Variants in WNT10A observed in about 807,000 individuals in gnomAD.
WNT10A encodes protein Wnt-10a.
A neutral mutation model predicts 36.1 loss-of-function variants in WNT10A; 37 were observed. The ratio of observed to expected loss-of-function variants is 1.02; its 90% CI spans 0.79 to 1.35. WNT10A has a LOEUF of 1.35. Ranked by LOEUF, WNT10A falls within the 40% of genes most tolerant of loss-of-function variation. WNT10A has a pLI of 0.00. For missense variants in WNT10A, 613 were observed against 601.4 expected, an observed-to-expected ratio of 1.02 and a Z score of -0.20; for synonymous variants, 255 against 254.1, an observed-to-expected ratio of 1.00 and a Z score of -0.03.
In WNT10A at chr2:218,882,339, C is replaced by T; in HGVS notation, c.292C>T (p.His98Tyr). The T allele has an allele frequency of 6.2e-7, 1 of 1,614,200 alleles. No homozygotes were observed. The highest frequency in any genetic ancestry group is 8.5e-7 in the Non-Finnish European group (1 of 1,180,024). The change falls in exon 2 of 4, where the codon CAC becomes TAC. Residue 98 changes from histidine (H) to tyrosine (Y), a missense_variant. By Grantham distance (83) the His-to-Tyr change is moderately conservative. Coordinates refer to ENST00000258411, the MANE Select transcript of WNT10A (RefSeq NM_025216.3). Reference protein sequence around the residue: ...GIQIAIHECQHQFRDQRWNCS... With the variant: ...GIQIAIHECQYQFRDQRWNCS... Reference sequence around the variant, plus strand: ...CCAGATCGCCATCCACGAATGCCAACACCAATTCAGGGACCAGCGCTGGAA... The same window carrying T: ...CCAGATCGCCATCCACGAATGCCAATACCAATTCAGGGACCAGCGCTGGAA...
Position 218,890,133 on chromosome 2 carries a change from C to G in WNT10A, c.526C>G (p.Arg176Gly), listed in dbSNP as rs754010310. The part of the protein sequence containing the change: ...DEEAFRRKLH[R>G]LQLDALQRGK... ...GGAGGCCTTCCGTAGGAAGCTGCACCGCTTACAACTGGATGCACTGCAGCG... is the reference window on the plus strand; with the variant it reads ...GGAGGCCTTCCGTAGGAAGCTGCACGGCTTACAACTGGATGCACTGCAGCG... Residue 176 changes from arginine (R) to glycine (G), a missense_variant, in exon 3 of 4, where the codon CGC becomes GGC. Arg to Gly is a moderately radical substitution (Grantham distance 125). Transcript: ENST00000258411. 4 of 1,614,164 alleles carry G rather than the reference C, an allele frequency of 2.5e-6. No individual in the cohort carries two copies. Among genetic ancestry groups the G allele is most frequent in the Non-Finnish European group, 3.4e-6 (4 of 1,180,036 alleles).
At chr2:218,889,959 A>T (rs1005498223) in intron 2 of WNT10A, 25 bp from the exon 3 acceptor site, 1 of 1,611,842 alleles carries the variant, frequency 6.2e-7, no homozygotes, top group Admixed American at 1.7e-5. Flanking sequence ...TCCAGAGTCC[A>T]TGTGTTCTGG....
intron 3 of WNT10A, among the ~76,000 whole-genome samples, chr2:218,890,674 T>A (rs1029624389): frequency 2.0e-5 from 3 of 152,140 alleles, no homozygotes; most frequent in African/African-American, 7.2e-5. Context: ...CAGTCAGGAC[T>A]TCAGGAGTCT....
At chr2:218,887,957 A>G (rs1228909653) in intron 2 of WNT10A, among the ~76,000 whole-genome samples, 21 of 152,250 alleles carry the variant, frequency 1.4e-4, no homozygotes. Context: ...TCACATAGCT[A>G]TTAGCAGCTA....
intron 2 of WNT10A, among the ~76,000 whole-genome samples, chr2:218,886,632 A>AC (rs1342944200): frequency 6.9e-5 from 5 of 72,832 alleles, no homozygotes; most frequent in Admixed American, 1.3e-4. Flanking sequence ...CCCCCCACCC[A>AC]CCCCCCCACC....
At chr2:218,892,678 A>G (rs1944667080) in intron 3 of WNT10A, 96 bp from the exon 4 acceptor site, 19 of 1,529,482 alleles carry the variant, frequency 1.2e-5, no homozygotes, top group East Asian at 2.5e-5. Context: ...TTGCCTCTGT[A>G]TAATGGGAGT....
chr2:218,875,989 A>G (rs1944450293), upstream of WNT10A, among the ~76,000 whole-genome samples: 2 of 152,186 alleles, frequency 1.3e-5, no homozygotes, highest in South Asian at 4.1e-4. Context: ...ACGTGGTGTC[A>G]CAGGCTTCTT....
At chr2:218,888,445 G>C (rs1022840620) in intron 2 of WNT10A, among the ~76,000 whole-genome samples, 4 of 152,248 alleles carry the variant, frequency 2.6e-5, no homozygotes, top group Admixed American at 2.0e-4. Flanking sequence ...GAGTGGCTTG[G>C]TCAGGGAAAA....
At chr2:218,886,391 T>C (rs1944577391) in intron 2 of WNT10A, among the ~76,000 whole-genome samples, 1 of 152,102 alleles carries the variant, frequency 6.6e-6, no homozygotes, top group Admixed American at 6.5e-5. Flanking sequence ...TCCCCTTCCC[T>C]CCCTCTTTGA....
upstream of WNT10A, among the ~76,000 whole-genome samples, chr2:218,879,801 T>C (rs1354275702): frequency 1.3e-5 from 2 of 152,212 alleles, no homozygotes; most frequent in African/African-American, 4.8e-5. Context: ...TGAGCCTCGA[T>C]ATTTTCTTGT....
chr2:218,890,644 C>G (rs1361137621), intron 3 of WNT10A, among the ~76,000 whole-genome samples: 1 of 152,284 alleles, frequency 6.6e-6, no homozygotes, highest in African/African-American at 2.4e-5. Context: ...GGTGATCACC[C>G]AGGAGAAAGG....
Position 218,893,060 on chromosome 2 carries a change from G to T in WNT10A, c.1043G>T (p.Arg348Leu), listed in dbSNP as rs927135213. 2.5e-6 allele frequency: 4 copies of T among 1,596,306 alleles called. No homozygotes were observed. In the African/African-American group the frequency reaches 4.0e-5, roughly 16 times the overall value. Reference sequence around the variant, plus strand: ...GAAAAGTCTCCCGACTTCTGCGAGCGCGAGCCGCGCCTGGACTCGGCGGGC... The same window carrying T: ...GAAAAGTCTCCCGACTTCTGCGAGCTCGAGCCGCGCCTGGACTCGGCGGGC... Reference protein sequence around the residue: ...YFEKSPDFCEREPRLDSAGTV... With the variant: ...YFEKSPDFCELEPRLDSAGTV... Residue 348 changes from arginine to leucine, a missense_variant, in exon 4 of 4, where the codon CGC becomes CTC. Arg to Leu is a moderately radical substitution (Grantham distance 102). Transcript: ENST00000258411. The surrounding 1 kb of genome is among the most constrained non-coding windows in gnomAD (Gnocchi z 6.3).
intron 1 of WNT10A, 88 bp downstream of exon 1, chr2:218,881,196 C>T: frequency 1.3e-6 from 2 of 1,533,684 alleles, no homozygotes; most frequent in Non-Finnish European, 1.8e-6. Context: ...GGTAGAGGAC[C>T]CTGGAAGAAG....
chr2:218,884,616 T>C (rs1419651176), intron 2 of WNT10A, among the ~76,000 whole-genome samples: 1 of 152,130 alleles, frequency 6.6e-6, no homozygotes, highest in Non-Finnish European at 1.5e-5. Context: ...AATCCTCTCC[T>C]CCACTGGCCA....
At chr2:218,876,581 G>T (rs1944455245), upstream of WNT10A, among the ~76,000 whole-genome samples, 1 of 152,122 alleles carries the variant, frequency 6.6e-6, no homozygotes. Context: ...GGAGAATTTG[G>T]ACTTAGAACT....
At position 218,890,324 on chromosome 2, in the gene WNT10A, C is replaced by T. The variant is rs774097907; in HGVS notation, c.717C>T (p.His239=). ...CCCGGGAGCCTCACAGAGACATCCA[C>T]GCGAGAATGAGGCTTCACAACAACC... ...LDSREPHRDI[H]ARMRLHNNRV... Residue 239 remains histidine (H), a synonymous_variant, in exon 3 of 4, where the codon CAC becomes CAT. Transcript: ENST00000258411. The T allele has an allele frequency of 1.0e-5, 16 of 1,601,656 alleles. No homozygotes were observed. In the South Asian group the frequency reaches 1.5e-4, roughly 15 times the overall value.
rs1052503942 is a variant in WNT10A, at chr2:218,890,450, G to A, written c.756+87G>A. On this transcript the variant is annotated intron_variant, in intron 3 of 3. Transcript: ENST00000258411. ...GGCCTACCTCTCTTCTGAGGACCACGTTGCTCCCACATGTCACACCTTGGC... is the reference window on the plus strand; with the variant it reads ...GGCCTACCTCTCTTCTGAGGACCACATTGCTCCCACATGTCACACCTTGGC... The A allele has an allele frequency of 3.2e-5, 51 of 1,576,670 alleles. No individual in the cohort carries two copies. In the Admixed American group the frequency reaches 5.4e-4, roughly 17 times the overall value.
chr2:218,874,921 G>T, the WNT10A span, among the ~76,000 whole-genome samples: 1 of 152,070 alleles, frequency 6.6e-6, no homozygotes, highest in Non-Finnish European at 1.5e-5. Context: ...GGTCATGATT[G>T]GTCAGAACTC....
chr2:218,892,879 G>T lies in WNT10A; in HGVS notation c.862G>T (p.Ala288Ser). 1 of 1,569,486 alleles carries T rather than the reference G, an allele frequency of 6.4e-7. No individual in the cohort carries two copies. Among genetic ancestry groups the T allele is most frequent in the Non-Finnish European group, 8.6e-7 (1 of 1,160,314 alleles). ...QVTPEFRTVG[A>S]LLRSRFHRAT... The stretch of plus-strand genomic sequence containing the variant: ...GACGCCCGAGTTCCGCACCGTGGGG[G>T]CGCTGCTGCGCAGCCGCTTCCACCG... Residue 288 changes from alanine to serine, a missense_variant, in exon 4 of 4, where the codon GCG (alanine) becomes TCG (serine). Coordinates refer to ENST00000258411, the MANE Select transcript of WNT10A (RefSeq NM_025216.3).
Sources: gnomAD v4.1 joint callset for allele counts (sites outside exome capture counted in the v4.1 genomes callset) on GRCh38, gnomAD v4.1.1 for gene constraint, Gnocchi (gnomAD v3.1) non-coding constraint, MANE v1.5 for transcripts, NCBI Gene and HGNC (gene_info 2026-07-23, HGNC 2026-07-21) for gene names.